SPECC1: variants seen among roughly 807,000 people sequenced by gnomAD.
SPECC1 encodes cytospin-B.
A neutral mutation model predicts 104.1 loss-of-function variants in SPECC1; 62 were observed. That is an observed-to-expected ratio of 0.60 (90% confidence interval 0.49 to 0.74). SPECC1 has a LOEUF of 0.74. SPECC1 is among the 30% of genes least tolerant of loss of function. The pLI, the probability that SPECC1 is intolerant of heterozygous loss-of-function variation, is 0.00. For missense variants in SPECC1, 1,306 were observed against 1,310.5 expected, an observed-to-expected ratio of 1.00 and a Z score of 0.05; for synonymous variants, 513 against 501.6, an observed-to-expected ratio of 1.02 and a Z score of -0.30.
chr17:20,284,016 G>A (rs1220383321), intron 12 of SPECC1, among the ~76,000 whole-genome samples: 1 of 152,088 alleles, frequency 6.6e-6, no homozygotes, highest in Non-Finnish European at 1.5e-5. Context: ...TATACTTTTT[G>A]CATTTTGTGC....
At chr17:20,275,007 A>C (rs1463614842) in intron 12 of SPECC1, among the ~76,000 whole-genome samples, 1 of 151,194 alleles carries the variant, frequency 6.6e-6, no homozygotes, top group Non-Finnish European at 1.5e-5. Flanking sequence ...CTATCAACTA[A>C]AGGAAGCTTG....
chr17:20,245,816 C>T (rs2039398014), intron 7 of SPECC1, 110 bp from the exon 8 acceptor site: 3 of 1,270,000 alleles, frequency 2.4e-6, no homozygotes, highest in Non-Finnish European at 2.1e-6. Context: ...TCAGAATTTC[C>T]CTTCCAGCTT....
At chr17:20,019,856 ACTGGCTTCTTTGTC>A (rs2044302500) in intron 1 of SPECC1, among the ~76,000 whole-genome samples, 1 of 37,930 alleles carries the variant, frequency 2.6e-5, no homozygotes, top group Non-Finnish European at 6.1e-5. Context: ...GCCTTTCATC[ACTGGCTTCTTTGTC>A]ACTGGCTTCT....
chr17:20,299,211 A>G (rs2041477974), intron 13 of SPECC1, among the ~76,000 whole-genome samples: 2 of 151,774 alleles, frequency 1.3e-5, no homozygotes, highest in Admixed American at 1.3e-4. Context: ...GATGAGGCCC[A>G]CCCACACTAA....
At chr17:20,035,401 TTTCC>T (rs1454771581) in intron 1 of SPECC1, among the ~76,000 whole-genome samples, 55 of 152,196 alleles carry the variant, frequency 3.6e-4, no homozygotes, top group Non-Finnish European at 6.8e-4. Flanking sequence ...TATATTAAGT[TTTCC>T]AACCTATAAG....
At chr17:20,244,819 T>A (rs1329311075) in intron 7 of SPECC1, among the ~76,000 whole-genome samples, 1 of 152,236 alleles carries the variant, frequency 6.6e-6, no homozygotes, top group East Asian at 1.9e-4. Context: ...GGCAATATGA[T>A]ACAATGAAGA....
intron 4 of SPECC1, among the ~76,000 whole-genome samples, chr17:20,215,136 G>C (rs1043534917): frequency 6.6e-6 from 1 of 152,312 alleles, no homozygotes; most frequent in Admixed American, 6.5e-5. Context: ...CCGGGGCCTC[G>C]TGCCTGAGGT....
intron 7 of SPECC1, among the ~76,000 whole-genome samples, chr17:20,241,678 ACTTT>A (rs1278970069): frequency 6.7e-6 from 1 of 148,248 alleles, no homozygotes; most frequent in Non-Finnish European, 1.5e-5. Flanking sequence ...TGTTCAAATT[ACTTT>A]CTTATCCTGT....
intron 3 of SPECC1, among the ~76,000 whole-genome samples, chr17:20,160,012 G>C (rs1454267635): frequency 6.6e-6 from 1 of 152,202 alleles, no homozygotes; most frequent in African/African-American, 2.4e-5. Flanking sequence ...AGAAGTCTTA[G>C]AAAGTGAGTT....
chr17:20,189,217 C>A (rs893142792), intron 3 of SPECC1, among the ~76,000 whole-genome samples: 2 of 152,090 alleles, frequency 1.3e-5, no homozygotes, highest in East Asian at 3.9e-4. Flanking sequence ...GTGTTTGGTG[C>A]CTGGAGACTG....
intron 4 of SPECC1, among the ~76,000 whole-genome samples, chr17:20,226,241 C>T (rs536465146): frequency 3.9e-5 from 6 of 152,158 alleles, no homozygotes; most frequent in Non-Finnish European, 8.8e-5. Context: ...GAATACTATG[C>T]ACCAATTAAA....
intron 1 of SPECC1, among the ~76,000 whole-genome samples, chr17:20,088,276 A>G (rs1253889054): frequency 6.6e-6 from 1 of 152,230 alleles, no homozygotes; most frequent in South Asian, 2.1e-4. Context: ...GTCACATAAC[A>G]TGAAATTTAC....
intron 1 of SPECC1, among the ~76,000 whole-genome samples, chr17:20,092,974 C>G (rs1045769354): frequency 1.3e-5 from 2 of 152,116 alleles, no homozygotes; most frequent in Non-Finnish European, 2.9e-5. Flanking sequence ...GGTTTTGGAA[C>G]CAATTTAAAC....
intron 4 of SPECC1, among the ~76,000 whole-genome samples, chr17:20,213,628 G>T (rs924182703): frequency 2.0e-5 from 3 of 152,170 alleles, no homozygotes; most frequent in African/African-American, 7.2e-5. Flanking sequence ...ATGTTATTTT[G>T]TTTGACCTCT....
intron 3 of SPECC1, among the ~76,000 whole-genome samples, chr17:20,116,426 A>C (rs2048758975): frequency 6.6e-6 from 1 of 152,194 alleles, no homozygotes; most frequent in African/African-American, 2.4e-5. Flanking sequence ...AAAGATAATA[A>C]TGTAAGAAAC....
chr17:20,045,838 G>A (rs189666730), intron 1 of SPECC1, among the ~76,000 whole-genome samples: 5 of 152,158 alleles, frequency 3.3e-5, no homozygotes, highest in African/African-American at 1.2e-4. Flanking sequence ...TTTGGGCTGG[G>A]GGAGGTCACA....
At chr17:20,240,335 A>C (rs186635193) in intron 7 of SPECC1, among the ~76,000 whole-genome samples, 1 of 152,020 alleles carries the variant, frequency 6.6e-6, no homozygotes, top group East Asian at 1.9e-4. Flanking sequence ...TCATCAGCTT[A>C]TAAGTCAGTA....
At chr17:20,065,615 C>CAAAATAATA (rs2046331762) in intron 1 of SPECC1, among the ~76,000 whole-genome samples, 1 of 152,208 alleles carries the variant, frequency 6.6e-6, no homozygotes, top group Non-Finnish European at 1.5e-5. Flanking sequence ...GAACTGTGAC[C>CAAAATAATA]TTTTGGGTTT....
At chr17:20,313,218 GTAAAA>G (rs2041976612) in intron 14 of SPECC1, among the ~76,000 whole-genome samples, 1 of 152,042 alleles carries the variant, frequency 6.6e-6, no homozygotes, top group African/African-American at 2.4e-5. Context: ...ATTAGCAAAA[GTAAAA>G]TAAAAATAAG....
Sources: allele counts gnomAD v4.1 joint callset (sites outside exome capture counted in the v4.1 genomes callset), GRCh38; gene constraint gnomAD v4.1.1; transcripts MANE v1.5; gene names NCBI Gene and HGNC (gene_info 2026-07-23, HGNC 2026-07-21).